ALCAM: variants seen among roughly 807,000 people sequenced by gnomAD.
ALCAM encodes the protein CD166 antigen.
ALCAM carries 30 observed loss-of-function variants against 70.9 expected under a neutral mutation model. The ratio of observed to expected loss-of-function variants is 0.42; its 90% CI spans 0.32 to 0.57. ALCAM has a LOEUF of 0.57. Ranked by LOEUF, ALCAM falls within the 20% of genes least tolerant of loss-of-function variation. ALCAM has a pLI of 0.11. For missense variants in ALCAM, 591 were observed against 695.1 expected (o/e 0.85, Z 1.68); for synonymous variants, 249 against 242.5 (o/e 1.03, Z -0.25).
chr3:105,539,324 G>A lies in ALCAM; in HGVS notation c.731-651G>A, dbSNP rs1576229876. On this transcript the variant is annotated intron_variant, in intron 6 of 15. Transcript: ENST00000306107. ...ATTGAGTGCTGAAGCATACCCTTTA[G>A]CCCTATTTTCTCCATAAATTGACCA... Among the ~76,000 whole-genome samples the A allele has an allele frequency of 2.0e-5, 3 of 152,060 alleles. No individual in the cohort carries two copies. The South Asian group carries it at 6.2e-4, about 32-fold the overall frequency.
At chr3:105,422,884 A>G (rs369393957) in intron 1 of ALCAM, among the ~76,000 whole-genome samples, 1 of 151,544 alleles carries the variant, frequency 6.6e-6, no homozygotes, top group African/African-American at 2.4e-5. Flanking sequence ...ACAACTGAAC[A>G]TGCTTTTCAG....
At chr3:105,492,137 C>A (rs373125092) in intron 1 of ALCAM, among the ~76,000 whole-genome samples, 1 of 151,992 alleles carries the variant, frequency 6.6e-6, no homozygotes, top group African/African-American at 2.4e-5. Context: ...ATGGTGGCAG[C>A]GAGAAGAATA....
chr3:105,527,634 A>G (rs918948642), intron 3 of ALCAM, among the ~76,000 whole-genome samples: 6 of 151,666 alleles, frequency 4.0e-5, no homozygotes, highest in African/African-American at 1.5e-4. Context: ...CTCCAGCTCT[A>G]AAAAAAATTT....
intron 9 of ALCAM, 113 bp downstream of exon 9, chr3:105,545,448 G>A: frequency 1.6e-6 from 1 of 634,046 alleles, no homozygotes; most frequent in Non-Finnish European, 2.8e-6. Flanking sequence ...TTATATACCA[G>A]CTCTCTCTCT....
At chr3:105,418,295 T>C (rs1042348406) in intron 1 of ALCAM, among the ~76,000 whole-genome samples, 1 of 151,876 alleles carries the variant, frequency 6.6e-6, no homozygotes, top group Non-Finnish European at 1.5e-5. Context: ...CAGCTGTCCA[T>C]TTTTAAATTA....
chr3:105,561,758 A>G (rs1940635021), intron 14 of ALCAM, among the ~76,000 whole-genome samples: 2 of 152,154 alleles, frequency 1.3e-5, no homozygotes, highest in Non-Finnish European at 1.5e-5. Flanking sequence ...TATATTCCTG[A>G]TTATATTTAT....
At chr3:105,371,470 C>G (rs1935228600) in intron 1 of ALCAM, among the ~76,000 whole-genome samples, 2 of 150,834 alleles carry the variant, frequency 1.3e-5, no homozygotes. Flanking sequence ...ATTTATTCCA[C>G]TTAATTATCA....
At chr3:105,429,075 A>T (rs1300397658) in intron 1 of ALCAM, among the ~76,000 whole-genome samples, 1 of 152,008 alleles carries the variant, frequency 6.6e-6, no homozygotes, top group African/African-American at 2.4e-5. Flanking sequence ...GCCTGTTTAG[A>T]TAATAATTAT....
At chr3:105,436,510 G>A (rs1937052961) in intron 1 of ALCAM, among the ~76,000 whole-genome samples, 1 of 151,904 alleles carries the variant, frequency 6.6e-6, no homozygotes, top group South Asian at 2.1e-4. Context: ...TGTATTTTTA[G>A]TAGAGATGGG....
intron 6 of ALCAM, among the ~76,000 whole-genome samples, chr3:105,539,683 C>T (rs1940067606): frequency 6.6e-6 from 1 of 151,910 alleles, no homozygotes; most frequent in South Asian, 2.1e-4. Context: ...TTGATTGTTC[C>T]TATGGTCTTT....
intron 3 of ALCAM, chr3:105,525,204 G>A: frequency 1.0e-6 from 1 of 985,078 alleles, no homozygotes; most frequent in Non-Finnish European, 1.2e-6. Context: ...ATACACCAAG[G>A]GGAGAAAGTA....
intron 2 of ALCAM, among the ~76,000 whole-genome samples, chr3:105,523,239 GGAT>G (rs34102634): frequency 0.68 from 102,452 of 151,120 alleles, 35,117 homozygotes; most frequent in East Asian, 0.93. Context: ...TTGAATAAGG[GGAT>G]GATGAATAAG....
rs574623958 is a variant in ALCAM at position 105,448,477 on chromosome 3, C to T, written c.74-71590C>T. 2.6e-5 allele frequency among the ~76,000 whole-genome samples: 4 copies of T among 151,850 alleles called. No individual in the cohort carries two copies. In the South Asian group the frequency reaches 8.3e-4, roughly 32 times the overall value. On this transcript the variant is annotated intron_variant, in intron 1 of 15. Transcript: ENST00000306107. ...AGCTCTGTAACATCTTGCCTCTATACATGATACTGCCTTTTTAGCCAATTC... is the reference window on the plus strand; with the variant it reads ...AGCTCTGTAACATCTTGCCTCTATATATGATACTGCCTTTTTAGCCAATTC...
chr3:105,397,355 A>G (rs907535913), intron 1 of ALCAM, among the ~76,000 whole-genome samples: 2 of 152,002 alleles, frequency 1.3e-5, no homozygotes, highest in Admixed American at 1.3e-4. Flanking sequence ...AACTTAGTCA[A>G]AGTGCTTGAG....
intron 1 of ALCAM, among the ~76,000 whole-genome samples, chr3:105,390,904 T>G (rs778331659): frequency 2.0e-5 from 3 of 152,092 alleles, no homozygotes; most frequent in Non-Finnish European, 4.4e-5. Context: ...CAGATGGTTG[T>G]AGATGTGTGG....
rs562509302 is a variant in ALCAM at position 105,526,864 on chromosome 3, T to C, written c.394+2356T>C. ...TCAATCAGTCCTCTGTTTCCCTCTGTTGAATCACTTAGCAACGTGCACCGT... is the reference window on the plus strand; with the variant it reads ...TCAATCAGTCCTCTGTTTCCCTCTGCTGAATCACTTAGCAACGTGCACCGT... On this transcript the variant is annotated intron_variant, in intron 3 of 15. Transcript: ENST00000306107. 4.6e-5 allele frequency among the ~76,000 whole-genome samples: 7 copies of C among 152,280 alleles called. No homozygotes were observed. In the South Asian group the frequency reaches 1.2e-3, roughly 27 times the overall value.
At chr3:105,528,748 A>AG (rs1178125570) in intron 3 of ALCAM, among the ~76,000 whole-genome samples, 1 of 152,170 alleles carries the variant, frequency 6.6e-6, no homozygotes, top group African/African-American at 2.4e-5. Context: ...GGGTAGGAAG[A>AG]GGGAGAGAAT....
At chr3:105,444,695 C>A (rs1052795690) in intron 1 of ALCAM, among the ~76,000 whole-genome samples, 5 of 152,098 alleles carry the variant, frequency 3.3e-5, no homozygotes, top group Non-Finnish European at 5.9e-5. Flanking sequence ...CAATTAGAAC[C>A]AAAATGCTTA....
chr3:105,454,926 G>A (rs1359201791), intron 1 of ALCAM, among the ~76,000 whole-genome samples: 1 of 151,120 alleles, frequency 6.6e-6, no homozygotes, highest in Non-Finnish European at 1.5e-5. Context: ...GTGATATGCT[G>A]GCCTCGGCCT....
Sources: allele counts gnomAD v4.1 joint callset (sites outside exome capture counted in the v4.1 genomes callset), GRCh38; gene constraint gnomAD v4.1.1; transcripts MANE v1.5; gene names NCBI Gene and HGNC (gene_info 2026-07-23, HGNC 2026-07-21).